The following SLC25A20 variants were observed in gnomAD, a reference collection of about 807,000 sequenced individuals.
SLC25A20 encodes solute carrier family 25 member 20, also known as mitochondrial carnitine/acylcarnitine carrier protein.
A neutral mutation model predicts 39.7 loss-of-function variants in SLC25A20; 29 were observed. That is an observed-to-expected ratio of 0.73 (90% CI 0.54 to 1.00). The LOEUF (loss-of-function observed/expected upper bound fraction) is 1.00, where lower values mean the gene tolerates loss of function less well. Ranked by LOEUF, SLC25A20 falls within the 50% of genes least tolerant of loss-of-function variation. The pLI, the probability that SLC25A20 is intolerant of heterozygous loss-of-function variation, is 0.00. For missense variants in SLC25A20, 333 were observed against 379.9 expected (o/e 0.88, Z 1.03); for synonymous variants, 103 against 142.2 (o/e 0.72, Z 1.96).
In SLC25A20 at chr3:48,888,207, GAAAA is replaced by G. The variant is rs751937375; in HGVS notation, c.198+3769_198+3772del. On this transcript the variant is annotated intron_variant, in intron 2 of 8. Transcript: ENST00000319017. ...GAGTGGCAGAACAAGACTCCATCTCGAAAAAAAAAAAAAAAAAAAAAAGAAGGGT... is the reference window on the plus strand; with the variant it reads ...GAGTGGCAGAACAAGACTCCATCTCGAAAAAAAAAAAAAAAAAAGAAGGGT... Among the ~76,000 whole-genome samples, 19 of 44,240 alleles carry G rather than the reference GAAAA, an allele frequency of 4.3e-4. 1 individual carries two copies. Among genetic ancestry groups the G allele is most frequent in the Non-Finnish European group, 4.5e-4 (10 of 22,298 alleles). The allele number at this position is 44,240 out of a possible 152,430, so 29.0% of individuals were successfully genotyped here.
At chr3:48,897,367 ATT>A (rs869090435) in intron 1 of SLC25A20, among the ~76,000 whole-genome samples, 1,046 of 83,674 alleles carry the variant, frequency 0.013, 15 homozygotes, top group African/African-American at 0.028. Flanking sequence ...ATATATATAT[ATT>A]TTTTTTTTTT....
chr3:48,886,624 AAGT>A (rs2083831661), intron 2 of SLC25A20, among the ~76,000 whole-genome samples: 1 of 152,114 alleles, frequency 6.6e-6, no homozygotes, highest in African/African-American at 2.4e-5. Flanking sequence ...AAAAAATTGA[AAGT>A]AGTTGCCTCT....
chr3:48,884,123 C>T lies in SLC25A20; in HGVS notation c.200G>A (p.Gly67Asp). The T allele has an allele frequency of 1.9e-6, 3 of 1,613,192 alleles. No homozygotes were observed. Among genetic ancestry groups the T allele is most frequent in the Admixed American group, 1.7e-5 (1 of 59,966 alleles). Residue 67 changes from glycine (G) to aspartate (D), a missense_variant and splice_region_variant, in exon 3 of 9, where the codon GGC (glycine) becomes GAC (aspartate). Gly to Asp is a moderately conservative substitution (Grantham distance 94, BLOSUM62 -1). Transcript: ENST00000319017. ...DCFRKTLFRE[G>D]ITGLYRGMAA... The stretch of plus-strand genomic sequence containing the variant: ...CATTCCCCGATATAGCCCCGTGATG[C>T]CCTGCAAGGAATCACAGAAGCAGAA...
At chr3:48,858,653 T>G (rs1471250315) in intron 7 of SLC25A20, 22 bp from the exon 8 acceptor site, 1 of 1,614,022 alleles carries the variant, frequency 6.2e-7, no homozygotes, top group South Asian at 1.1e-5. Flanking sequence ...AACCCAATTT[T>G]TAAGGCTTCA....
chr3:48,864,239 T>C (rs2083648571), intron 4 of SLC25A20, among the ~76,000 whole-genome samples: 1 of 146,948 alleles, frequency 6.8e-6, no homozygotes, highest in South Asian at 2.1e-4. Flanking sequence ...TCCCAGCTAC[T>C]CAGGAGGCTG....
chr3:48,861,880 T>C (rs1181104194), intron 5 of SLC25A20, among the ~76,000 whole-genome samples: 1 of 151,798 alleles, frequency 6.6e-6, no homozygotes, highest in Non-Finnish European at 1.5e-5. Flanking sequence ...TACAAAAAAA[T>C]AGCCAGACAT....
At chr3:48,886,964 CTT>C (rs1310398236) in intron 2 of SLC25A20, among the ~76,000 whole-genome samples, 2 of 152,204 alleles carry the variant, frequency 1.3e-5, no homozygotes, top group East Asian at 3.8e-4. Context: ...GGTATCCAAA[CTT>C]TCTTTTCAGA....
chr3:48,882,957 G>C (rs1402567104), intron 3 of SLC25A20, among the ~76,000 whole-genome samples: 1 of 151,536 alleles, frequency 6.6e-6, no homozygotes, highest in Non-Finnish European at 1.5e-5. Context: ...GGGGGCCAAA[G>C]GGGGCGGATC....
chr3:48,878,819 T>A (rs1209414824), intron 4 of SLC25A20, among the ~76,000 whole-genome samples: 1 of 149,962 alleles, frequency 6.7e-6, no homozygotes, highest in African/African-American at 2.5e-5. Context: ...AAAAAAAAAA[T>A]TTGTAGAGAT....
intron 4 of SLC25A20, among the ~76,000 whole-genome samples, chr3:48,868,411 C>T (rs1048313800): frequency 6.6e-6 from 1 of 152,130 alleles, no homozygotes; most frequent in Non-Finnish European, 1.5e-5. Flanking sequence ...AGATAGACTT[C>T]TACTTCTGGG....
chr3:48,870,660 C>T (rs1012227229), intron 4 of SLC25A20, among the ~76,000 whole-genome samples: 2 of 149,538 alleles, frequency 1.3e-5, no homozygotes, highest in East Asian at 2.0e-4. Flanking sequence ...ACTACAGGCA[C>T]GCAACACCAT....
chr3:48,875,277 A>G (rs1361907217), intron 4 of SLC25A20, among the ~76,000 whole-genome samples: 1 of 150,590 alleles, frequency 6.6e-6, no homozygotes, highest in Non-Finnish European at 1.5e-5. Flanking sequence ...TAATTTTTGT[A>G]TTTTTCGTAG....
Position 48,898,871 on chromosome 3 carries a change from C to A in SLC25A20, c.-77G>T. 7.0e-7 allele frequency: 1 copy of A among 1,433,130 alleles called. No individual in the cohort carries two copies. The highest frequency in any genetic ancestry group is 9.6e-7 in the Non-Finnish European group (1 of 1,040,560). The allele number at this position is 1,433,130 out of a possible 1,614,324, so 88.8% of individuals were successfully genotyped here. A position where few individuals can be genotyped will look rare whatever the true frequency, so the allele number is the denominator to read the frequency against. The stretch of plus-strand genomic sequence containing the variant: ...TCAGCCCCAGCTGCAGTGCCGGCGC[C>A]GCCGACCTTTCACCCACTTTTGGGT... On this transcript the variant is annotated 5_prime_UTR_variant, in exon 1 of 9. Coordinates refer to ENST00000319017, the MANE Select transcript of SLC25A20 (RefSeq NM_000387.6).
chr3:48,881,969 A>G (rs944493868), intron 3 of SLC25A20, among the ~76,000 whole-genome samples: 6 of 152,168 alleles, frequency 3.9e-5, no homozygotes, highest in African/African-American at 1.4e-4. Flanking sequence ...CTCCATCTAC[A>G]TCCTAGACCC....
At chr3:48,868,988 A>C (rs939197958) in intron 4 of SLC25A20, among the ~76,000 whole-genome samples, 2 of 152,158 alleles carry the variant, frequency 1.3e-5, no homozygotes, top group Non-Finnish European at 2.9e-5. Flanking sequence ...GCCACCCTAG[A>C]GTGCTAGTGG....
intron 2 of SLC25A20, 21 bp downstream of exon 2, chr3:48,891,959 T>C: frequency 6.4e-7 from 1 of 1,563,380 alleles, no homozygotes; most frequent in Non-Finnish European, 8.8e-7. Context: ...GTAAGAGGAA[T>C]GCCCAGCACC....
chr3:48,867,272 T>G (rs1469935366), intron 4 of SLC25A20, among the ~76,000 whole-genome samples: 3 of 151,110 alleles, frequency 2.0e-5, no homozygotes, highest in Admixed American at 6.6e-5. Flanking sequence ...TGAGATGGAG[T>G]TTCGCTCTTG....
chr3:48,887,466 C>T (rs2083837931), intron 2 of SLC25A20, among the ~76,000 whole-genome samples: 1 of 152,180 alleles, frequency 6.6e-6, no homozygotes, highest in South Asian at 2.1e-4. Context: ...TGTTCAATAA[C>T]GTCTAATGAC....
intron 2 of SLC25A20, among the ~76,000 whole-genome samples, chr3:48,889,985 G>A (rs1450083251): frequency 6.6e-6 from 1 of 152,116 alleles, no homozygotes; most frequent in Non-Finnish European, 1.5e-5. Flanking sequence ...AAGCAGTAAC[G>A]CCAGTGCCTG....
Sources: gnomAD v4.1 joint callset for allele counts (sites outside exome capture counted in the v4.1 genomes callset) on GRCh38, gnomAD v4.1.1 for gene constraint, MANE v1.5 for transcripts, NCBI Gene and HGNC (gene_info 2026-07-23, HGNC 2026-07-21) for gene names.